CENPM: variants seen among roughly 807,000 people sequenced by gnomAD.
The protein encoded by CENPM is interphase centromere complex protein 39.
In CENPM, 14 loss-of-function variants were observed where a neutral mutation model predicts 19.6. The observed-to-expected ratio is 0.71, with a 90% CI of 0.47 to 1.11. The LOEUF (loss-of-function observed/expected upper bound fraction) is 1.11, where lower values mean the gene tolerates loss of function less well. Ranked by LOEUF, CENPM falls within the 50% of genes most tolerant of loss-of-function variation. The pLI, the probability that CENPM is intolerant of heterozygous loss-of-function variation, is 0.00. For synonymous variants in CENPM, 114 were observed against 101.5 expected (o/e 1.12, Z -0.74); for missense variants, 239 against 228.4 (o/e 1.05, Z -0.30).
chr22:41,935,439 A>G (rs1448896800), downstream of CENPM, among the ~76,000 whole-genome samples: 1 of 152,130 alleles, frequency 6.6e-6, no homozygotes, highest in African/African-American at 2.4e-5. Context: ...GTTACCCTGC[A>G]AAGACACGCA....
chr22:41,944,180 A>G (rs2077771574), intron 4 of CENPM: 12 of 980,910 alleles, frequency 1.2e-5, no homozygotes, highest in Non-Finnish European at 1.5e-5. Context: ...GCGGTGGCTC[A>G]GGCCTGTAAT....
At chr22:41,939,267 G>A in intron 5 of CENPM, 71 bp from the exon 6 acceptor site, 1 of 1,507,414 alleles carries the variant, frequency 6.6e-7, no homozygotes, top group South Asian at 1.3e-5. Context: ...GCAGCTGCAG[G>A]GGCTGCCAGA....
chr22:41,929,935 CTTTTTTTTTTT>C, the CENPM span, among the ~76,000 whole-genome samples: 39 of 97,676 alleles, frequency 4.0e-4, no homozygotes, highest in African/African-American at 1.9e-3. Flanking sequence ...TTCCCCGTGG[CTTTTTTTTTTT>C]TTTTTTTTTT....
intron 4 of CENPM, among the ~76,000 whole-genome samples, chr22:41,944,360 A>C (rs896809718): frequency 2.7e-5 from 4 of 146,152 alleles, no homozygotes; most frequent in African/African-American, 1.0e-4. Context: ...TGCTTGAACC[A>C]GGGAGACGGT....
At chr22:41,943,990 G>T (rs1055384383) in intron 4 of CENPM, among the ~76,000 whole-genome samples, 2 of 152,194 alleles carry the variant, frequency 1.3e-5, no homozygotes, top group African/African-American at 4.8e-5. Flanking sequence ...AATTATCTGT[G>T]CCAGGCACTC....
chr22:41,945,868 G>A (rs2146618015), intron 3 of CENPM, 45 bp downstream of exon 3: 13 of 1,506,698 alleles, frequency 8.6e-6, no homozygotes, highest in East Asian at 2.3e-5. Flanking sequence ...ACAGTCCTGA[G>A]CCAGGCCTGC....
chr22:41,947,015 C>T lies in CENPM; in HGVS notation c.57+5G>A, dbSNP rs749919107. ...GGCGGGGGAAGCAGGGCCGCCTGCACCTACCAAGATGGTGGCCGTGTTCAG... is the reference window on the plus strand; with the variant it reads ...GGCGGGGGAAGCAGGGCCGCCTGCATCTACCAAGATGGTGGCCGTGTTCAG... On this transcript the variant is annotated splice_donor_5th_base_variant and intron_variant, in intron 1 of 5. Transcript: ENST00000215980. 66 of 1,612,630 alleles carry T rather than the reference C, an allele frequency of 4.1e-5. No individual in the cohort carries two copies. The highest frequency in any genetic ancestry group is 5.5e-5 in the Non-Finnish European group (65 of 1,179,900).
At chr22:41,944,002 G>C (rs1272563086) in intron 4 of CENPM, among the ~76,000 whole-genome samples, 3 of 152,192 alleles carry the variant, frequency 2.0e-5, no homozygotes, top group African/African-American at 7.2e-5. Flanking sequence ...CAGGCACTCT[G>C]CTCAAGGAGC....
In CENPM at chr22:41,945,105, C is replaced by A. The variant is rs2077783116; in HGVS notation, c.310+120G>T. The A allele has an allele frequency of 2.6e-6, 4 of 1,560,124 alleles. No individual in the cohort carries two copies. The East Asian group carries it at 9.6e-5, about 37-fold the overall frequency. On this transcript the variant is annotated intron_variant, in intron 4 of 5. Coordinates refer to ENST00000215980, the MANE Select transcript of CENPM (RefSeq NM_024053.5). ...TCCTGCCCTCCACCCTCCGATAGGC[C>A]CCAGTGTGTGTAAAATACATGCTCT... is the stretch of plus-strand genomic sequence containing the variant.
intron 5 of CENPM, chr22:41,940,209 G>C (rs375310605): frequency 4.0e-6 from 3 of 751,806 alleles, no homozygotes; most frequent in Admixed American, 1.8e-5. Flanking sequence ...AGGTATCTCC[G>C]TGGCCTGCCT....
At chr22:41,946,608 C>T in intron 1 of CENPM, 112 bp from the exon 2 acceptor site, 1 of 863,332 alleles carries the variant, frequency 1.2e-6, no homozygotes, top group East Asian at 2.7e-5. Flanking sequence ...GCAGGCGGCT[C>T]GGAGGACATT....
At chr22:41,946,761 G>C (rs3752592) in intron 1 of CENPM, 5 of 598,552 alleles carry the variant, frequency 8.4e-6, no homozygotes, top group East Asian at 8.3e-5. Flanking sequence ...CCCCAGACGC[G>C]GGAAAACCAA....
chr22:41,935,279 T>A (rs1053341382), downstream of CENPM, among the ~76,000 whole-genome samples: 1 of 151,794 alleles, frequency 6.6e-6, no homozygotes, highest in African/African-American at 2.4e-5. Flanking sequence ...CATGCGGGCA[T>A]GGGGGGGAGG....
chr22:41,927,981 G>C, the CENPM span, among the ~76,000 whole-genome samples: 65 of 152,356 alleles, frequency 4.3e-4, 1 homozygote, highest in Non-Finnish European at 7.1e-4. Flanking sequence ...ATGGACTGAG[G>C]TCTAGGGAGC....
intron 1 of CENPM, 49 bp downstream of exon 1, chr22:41,946,971 C>G: frequency 6.3e-7 from 1 of 1,596,378 alleles, no homozygotes; most frequent in Non-Finnish European, 8.6e-7. Context: ...GGCTGAAGCA[C>G]CGCCCAGGAG....
chr22:41,945,090 C>G, intron 4 of CENPM, 135 bp downstream of exon 4: 1 of 1,537,242 alleles, frequency 6.5e-7, no homozygotes, highest in Non-Finnish European at 8.8e-7. Flanking sequence ...TCCTGCCCTC[C>G]ACCCTCCGAT....
the CENPM span, among the ~76,000 whole-genome samples, chr22:41,927,373 CCT>C: frequency 6.6e-6 from 1 of 152,146 alleles, no homozygotes; most frequent in Non-Finnish European, 1.5e-5. Flanking sequence ...GGACACAGAC[CCT>C]GAGTGGTTCC....
intron 5 of CENPM, among the ~76,000 whole-genome samples, chr22:41,943,269 A>G (rs146941010): frequency 3.2e-4 from 48 of 152,320 alleles, no homozygotes; most frequent in East Asian, 2.1e-3. Context: ...TCACAAATAC[A>G]TACACATAAG....
Position 41,943,837 on chromosome 22 carries a change from C to G in CENPM, c.311-136G>C, listed in dbSNP as rs1482056142. ...TAGTCGCGAGGGTGACAGTCCTATT[C>G]TACTTTCTTTTCTAGGTAGTCAAGA... is the stretch of plus-strand genomic sequence containing the variant. On this transcript the variant is annotated intron_variant, in intron 4 of 5. Transcript: ENST00000215980. The G allele has an allele frequency of 8.4e-6, 6 of 714,900 alleles. No homozygotes were observed. In the East Asian group the frequency reaches 1.4e-4, roughly 17 times the overall value. The allele number at this position is 714,900 out of a possible 1,614,324, so 44.3% of individuals were successfully genotyped here.
Sources: gnomAD v4.1 joint callset for allele counts (sites outside exome capture counted in the v4.1 genomes callset) on GRCh38, gnomAD v4.1.1 for gene constraint, MANE v1.5 for transcripts, NCBI Gene and HGNC (gene_info 2026-07-23, HGNC 2026-07-21) for gene names.